Variants in TESPA1 observed in about 807,000 individuals in gnomAD.
The protein encoded by TESPA1 is thymocyte expressed, positive selection associated 1, also known as protein TESPA1.
A neutral mutation model predicts 57.9 loss-of-function variants in TESPA1; 33 were observed. That is an observed-to-expected ratio of 0.57 (90% CI 0.43 to 0.76). The LOEUF (loss-of-function observed/expected upper bound fraction) is 0.76, where lower values mean the gene tolerates loss of function less well. Among genes scored for constraint, TESPA1 ranks in the 30% least tolerant of loss-of-function variants. The pLI is 0.00. For missense variants in TESPA1, 618 were observed against 632.9 expected, an observed-to-expected ratio of 0.98 and a Z score of 0.25; for synonymous variants, 227 against 228.9, an observed-to-expected ratio of 0.99 and a Z score of 0.07.
At chr12:54,960,162 T>G (rs576742829) in intron 10 of TESPA1, among the ~76,000 whole-genome samples, 1 of 152,214 alleles carries the variant, frequency 6.6e-6, no homozygotes, top group Non-Finnish European at 1.5e-5. Flanking sequence ...CAATAAAGAT[T>G]TTAATTTATA....
At chr12:54,957,901 C>T (rs929949369) in intron 10 of TESPA1, among the ~76,000 whole-genome samples, 2 of 152,096 alleles carry the variant, frequency 1.3e-5, no homozygotes, top group Non-Finnish European at 2.9e-5. Flanking sequence ...TAAGGCACAA[C>T]CTAATTTCAG....
chr12:54,969,017 A>ACATGTG (rs1555204973), intron 3 of TESPA1, among the ~76,000 whole-genome samples: 1 of 104,100 alleles, frequency 9.6e-6, no homozygotes, highest in East Asian at 1.6e-3. Flanking sequence ...ACATATTTAT[A>ACATGTG]TATGTATATA....
At chr12:54,970,719 T>G (rs539977807) in intron 3 of TESPA1, among the ~76,000 whole-genome samples, 1 of 152,308 alleles carries the variant, frequency 6.6e-6, no homozygotes, top group African/African-American at 2.4e-5. Flanking sequence ...CATTGAAAAA[T>G]TCCTTAGCAT....
Position 54,949,052 on chromosome 12 carries a change from T to C in TESPA1, c.*1340A>G, listed in dbSNP as rs984161111. Reference sequence around the variant, plus strand: ...CAAGGAAGATAGTTCCCCTGTCTCCTGGTTTCTGTGGGTGGGAAGGGTAGG... The same window carrying C: ...CAAGGAAGATAGTTCCCCTGTCTCCCGGTTTCTGTGGGTGGGAAGGGTAGG... On this transcript the variant is annotated 3_prime_UTR_variant, in exon 11 of 11. Transcript: ENST00000449076. 1.3e-5 allele frequency: 2 copies of C among 151,108 alleles called. No individual in the cohort carries two copies. The highest frequency in any genetic ancestry group is 4.9e-5 in the African/African-American group (2 of 40,998). 9.4% of individuals were successfully genotyped at this position (151,108 alleles called of 1,614,324 possible). A position where few individuals can be genotyped will look rare whatever the true frequency, so the allele number is the denominator to read the frequency against.
At chr12:54,983,924 T>C (rs1952410121) in intron 1 of TESPA1, 1 of 152,262 alleles carries the variant, frequency 6.6e-6, no homozygotes, top group Admixed American at 6.5e-5. Context: ...CTTTGAGATG[T>C]GAACCCTGAA....
chr12:54,966,421 G>A lies in TESPA1; in HGVS notation c.314C>T (p.Thr105Ile). The change falls in exon 6 of 11, where the codon ACA becomes ATA. Residue 105 changes from threonine to isoleucine, a missense_variant. Around this residue, in one of 3 missense-constraint regions of TESPA1, gnomAD observed 199 missense variants for 184.0 expected, o/e 1.08. Transcript: ENST00000449076. ...EDDLTLGAEA[T>I]LLAANGKLFS... Reference sequence around the variant, plus strand: ...GAGTTTGCCATTGGCGGCCAGTAGTGTGGCTGGACAAGAAACAGAGAAGCA... The same window carrying A: ...GAGTTTGCCATTGGCGGCCAGTAGTATGGCTGGACAAGAAACAGAGAAGCA... 1 of 1,613,212 alleles carries A rather than the reference G, an allele frequency of 6.2e-7. No individual in the cohort carries two copies. The highest frequency in any genetic ancestry group is 8.5e-7 in the Non-Finnish European group (1 of 1,179,604).
At chr12:54,954,486 T>G (rs1365259669) in intron 10 of TESPA1, among the ~76,000 whole-genome samples, 1 of 152,184 alleles carries the variant, frequency 6.6e-6, no homozygotes, top group Non-Finnish European at 1.5e-5. Context: ...TTTTCTAAGT[T>G]GTAGTTCAAA....
At chr12:54,972,110 A>G (rs1216648527) in intron 3 of TESPA1, among the ~76,000 whole-genome samples, 1 of 152,254 alleles carries the variant, frequency 6.6e-6, no homozygotes. Flanking sequence ...TTAAACACTT[A>G]GTAGCACAAG....
chr12:54,958,337 A>T (rs1291883994), intron 10 of TESPA1, among the ~76,000 whole-genome samples: 1 of 152,172 alleles, frequency 6.6e-6, no homozygotes, highest in Non-Finnish European at 1.5e-5. Context: ...TGGAGTATAT[A>T]CTACACATTT....
Position 54,961,197 on chromosome 12 carries a change from T to G in TESPA1, c.1538A>C (p.His513Pro). 6.2e-7 allele frequency: 1 copy of G among 1,613,424 alleles called. No homozygotes were observed. Among genetic ancestry groups the G allele is most frequent in the East Asian group, 2.2e-5 (1 of 44,848 alleles). ...CGAGTCTTTGCCAGCAAAAGTCTGG[T>G]GGTGGTGGGGGTGCCTGGGTCTGCT... ...WPSRPRHPHH[H>P]QTFAGKDS is the part of the protein sequence containing the mutation. Residue 513 changes from histidine (H) to proline (P), a missense_variant, in exon 10 of 11, where the codon CAC becomes CCC. By Grantham distance (77) the His-to-Pro change is moderately conservative (BLOSUM62 -2). Transcript: ENST00000449076.
At position 54,962,698 on chromosome 12, in the gene TESPA1, T is replaced by C; in HGVS notation, c.1200A>G (p.Pro400=). 2 of 1,613,944 alleles carry C rather than the reference T, an allele frequency of 1.2e-6. No individual in the cohort carries two copies. The highest frequency in any genetic ancestry group is 1.7e-6 in the Non-Finnish European group (2 of 1,179,878). Residue 400 remains proline (P), a synonymous_variant, in exon 9 of 11, where the codon CCA becomes CCG. Coordinates refer to ENST00000449076, the MANE Select transcript of TESPA1 (RefSeq NM_001136030.3). ...CCTHSLPIED[P]QWSTDPAQIR... ...TCTGAGCTGGGTCTGTGCTCCACTGTGGATCTTCTATGGGCAGAGAATGTG... is the reference window on the plus strand; with the variant it reads ...TCTGAGCTGGGTCTGTGCTCCACTGCGGATCTTCTATGGGCAGAGAATGTG...
Position 54,961,429 on chromosome 12 carries a change from G to A in TESPA1, c.1468-162C>T, listed in dbSNP as rs528236837. On this transcript the variant is annotated intron_variant, in intron 9 of 10. Transcript: ENST00000449076. Reference sequence around the variant, plus strand: ...CAGTAATGAGGAAGGCAGGAGCGGAGGTGTAGCTCTACATTCAAGGAGAGG... The same window carrying A: ...CAGTAATGAGGAAGGCAGGAGCGGAAGTGTAGCTCTACATTCAAGGAGAGG... Among the ~76,000 whole-genome samples, 6 of 152,304 alleles carry A rather than the reference G, an allele frequency of 3.9e-5. No homozygotes were observed. In the South Asian group the frequency reaches 1.2e-3, roughly 32 times the overall value.
intron 3 of TESPA1, among the ~76,000 whole-genome samples, chr12:54,970,678 A>G (rs1565862973): frequency 6.6e-6 from 1 of 152,156 alleles, no homozygotes. Flanking sequence ...CAGGGACTAG[A>G]TGTATAGTTG....
chr12:54,977,938 G>C (rs1482548269), intron 1 of TESPA1, among the ~76,000 whole-genome samples: 2 of 152,132 alleles, frequency 1.3e-5, no homozygotes, highest in African/African-American at 4.8e-5. Context: ...AATATCAAGA[G>C]GCAAGAAGAA....
intron 1 of TESPA1, among the ~76,000 whole-genome samples, chr12:54,978,195 A>G (rs910289088): frequency 2.0e-5 from 3 of 152,234 alleles, no homozygotes; most frequent in African/African-American, 7.2e-5. Context: ...TTTCCTCCAA[A>G]TAAGTCATTC....
chr12:54,954,431 G>A (rs890480248), intron 10 of TESPA1, among the ~76,000 whole-genome samples: 45 of 152,150 alleles, frequency 3.0e-4, no homozygotes, highest in African/African-American at 1.0e-3. Flanking sequence ...TTCTTTGGCT[G>A]TGGAAGGCAG....
At position 54,978,504 on chromosome 12, in the gene TESPA1, G is replaced by A. The variant is rs577248468; in HGVS notation, c.-45-3897C>T. Among the ~76,000 whole-genome samples, 7 of 152,256 alleles carry A rather than the reference G, an allele frequency of 4.6e-5. No individual in the cohort carries two copies. In the East Asian group the frequency reaches 1.2e-3, roughly 25 times the overall value. The stretch of plus-strand genomic sequence containing the variant: ...TATACAGTTTTTCCCATTAAAAAAT[G>A]CGAAATGCTTCAGTGGTCTCTAGAG... On this transcript the variant is annotated intron_variant, in intron 1 of 10. Coordinates refer to ENST00000449076, the MANE Select transcript of TESPA1 (RefSeq NM_001136030.3).
chr12:54,961,362 G>A (rs1951064071), intron 9 of TESPA1, 95 bp from the exon 10 acceptor site: 2 of 1,329,278 alleles, frequency 1.5e-6, no homozygotes, highest in Non-Finnish European at 2.1e-6. Context: ...GAAGGAGGCT[G>A]AGTGTACTTG....
intron 1 of TESPA1, among the ~76,000 whole-genome samples, chr12:54,978,954 G>A (rs1306076917): frequency 6.6e-6 from 1 of 152,164 alleles, no homozygotes; most frequent in Non-Finnish European, 1.5e-5. Context: ...CAAAAGAAGG[G>A]ACTCCATAAG....
Sources: gnomAD v4.1 joint callset for allele counts (sites outside exome capture counted in the v4.1 genomes callset) on GRCh38, gnomAD v4.1.1 for gene constraint, gnomAD v4.1.1 regional missense constraint, MANE v1.5 for transcripts, NCBI Gene and HGNC (gene_info 2026-07-23, HGNC 2026-07-21) for gene names.